TAF15: variants seen among roughly 807,000 people sequenced by gnomAD.
The protein encoded by TAF15 is TATA-box binding protein associated factor 15, also known as TATA-binding protein-associated factor 2N.
TAF15 carries 37 observed loss-of-function variants against 102.5 expected under a neutral mutation model. The ratio of observed to expected loss-of-function variants is 0.36; its 90% confidence interval spans 0.28 to 0.47. The LOEUF is 0.47. Ranked by LOEUF, TAF15 falls within the 20% of genes least tolerant of loss-of-function variation. TAF15 has a pLI of 0.99. For missense variants in TAF15, 652 were observed against 760.7 expected (o/e 0.86, Z 1.68); for synonymous variants, 273 against 259.2 (o/e 1.05, Z -0.51).
chr17:35,829,655 A>AAAAAAAAAAG (rs1555617626), intron 7 of TAF15, among the ~76,000 whole-genome samples: 1 of 135,528 alleles, frequency 7.4e-6, no homozygotes, highest in African/African-American at 3.0e-5. Flanking sequence ...AAAAAAAAAA[A>AAAAAAAAAAG]AGAGAGAGAG....
At chr17:35,842,270 C>T in intron 11 of TAF15, 97 bp from the exon 12 acceptor site, 1 of 874,048 alleles carries the variant, frequency 1.1e-6, no homozygotes, top group Non-Finnish European at 1.9e-6. Flanking sequence ...ATGTCAGTTA[C>T]TCCTCTGAAA....
chr17:35,817,085 AGCCACCAT>A (rs1568245746), intron 1 of TAF15: 1 of 152,254 alleles, frequency 6.6e-6, no homozygotes, highest in Non-Finnish European at 1.5e-5. Flanking sequence ...GGATTGTGTG[AGCCACCAT>A]GCCCGGTCCC....
chr17:35,839,340 T>C (rs1296536592), intron 11 of TAF15, among the ~76,000 whole-genome samples: 3 of 136,960 alleles, frequency 2.2e-5, no homozygotes, highest in African/African-American at 5.3e-5. Flanking sequence ...CCTTCAAATA[T>C]AAAGTTAATA....
intron 7 of TAF15, 62 bp downstream of exon 7, chr17:35,824,260 TG>T: frequency 6.4e-7 from 1 of 1,567,126 alleles, no homozygotes; most frequent in Non-Finnish European, 8.7e-7. Context: ...TTTTTTAAGG[TG>T]TTACTTGGCT....
At chr17:35,840,591 C>T (rs938157675) in intron 11 of TAF15, among the ~76,000 whole-genome samples, 9 of 150,872 alleles carry the variant, frequency 6.0e-5, no homozygotes, top group African/African-American at 1.5e-4. Context: ...GTAGGCCAGG[C>T]GTGGTGGCTC....
At chr17:35,809,616 G>T in intron 1 of TAF15, 40 bp downstream of exon 1, 1 of 1,612,938 alleles carries the variant, frequency 6.2e-7, no homozygotes, top group Non-Finnish European at 8.5e-7. Context: ...GCGACGAGAA[G>T]GTCCTGGCGG....
intron 10 of TAF15, 122 bp from the exon 11 acceptor site, chr17:35,838,302 A>G: frequency 7.7e-7 from 1 of 1,290,986 alleles, no homozygotes; most frequent in Non-Finnish European, 1.1e-6. Flanking sequence ...TATTAGGTGC[A>G]TAGTATTTTA....
chr17:35,832,637 T>C (rs1472784220), intron 7 of TAF15, among the ~76,000 whole-genome samples: 1 of 152,120 alleles, frequency 6.6e-6, no homozygotes, highest in Admixed American at 6.5e-5. Context: ...ATTCTTGGGT[T>C]ATAATAGAAT....
chr17:35,835,658 C>G (rs2087465455), intron 9 of TAF15, among the ~76,000 whole-genome samples: 1 of 152,190 alleles, frequency 6.6e-6, no homozygotes, highest in South Asian at 2.1e-4. Flanking sequence ...CTGGTATATA[C>G]AAAGCTTATT....
rs776846302 is a variant in TAF15, at chr17:35,820,081, T to C, written c.99+6T>C. ...GCTATGGACAAGCATCACAAGTAGG[T>C]TGAAATATAAATTGTATTCTTCATA... On this transcript the variant is annotated splice_donor_region_variant and intron_variant, in intron 3 of 15. Transcript: ENST00000605844. 9 of 1,613,932 alleles carry C rather than the reference T, an allele frequency of 5.6e-6. No individual in the cohort carries two copies. The highest frequency in any genetic ancestry group is 7.6e-6 in the Non-Finnish European group (9 of 1,179,914).
intron 7 of TAF15, among the ~76,000 whole-genome samples, chr17:35,831,892 C>G (rs575476380): frequency 6.6e-6 from 1 of 151,984 alleles, no homozygotes; most frequent in Admixed American, 6.6e-5. Context: ...ACCATCCTGG[C>G]CAACACAGTG....
At chr17:35,833,715 A>G (rs1271827584) in intron 7 of TAF15, 192 bp from the exon 8 acceptor site, 1 of 603,280 alleles carries the variant, frequency 1.7e-6, no homozygotes, top group African/African-American at 1.9e-5. Context: ...CATCTTGTGG[A>G]AATAGATCCT....
chr17:35,814,589 C>G (rs997967112), intron 1 of TAF15, among the ~76,000 whole-genome samples: 1 of 151,666 alleles, frequency 6.6e-6, no homozygotes, highest in South Asian at 2.1e-4. Flanking sequence ...GAAAACAGGC[C>G]CACCTGTAAT....
At chr17:35,827,926 C>CA (rs879529045) in intron 7 of TAF15, among the ~76,000 whole-genome samples, 33 of 149,524 alleles carry the variant, frequency 2.2e-4, no homozygotes, top group Non-Finnish European at 3.6e-4. Flanking sequence ...GCAATTGTAG[C>CA]AAAAAAAAAG....
chr17:35,820,543 A>C (rs998078616), intron 5 of TAF15, 106 bp downstream of exon 5: 3 of 924,174 alleles, frequency 3.2e-6, no homozygotes. Flanking sequence ...TTTTTTTTTT[A>C]AAGGAAATTT....
At chr17:35,842,684 A>T (rs1054688480) in intron 12 of TAF15, among the ~76,000 whole-genome samples, 1 of 151,638 alleles carries the variant, frequency 6.6e-6, no homozygotes, top group Non-Finnish European at 1.5e-5. Flanking sequence ...GGAAAGCTTT[A>T]TTGTGATTTG....
intron 1 of TAF15, chr17:35,810,180 G>GTAATTTAGCTTCGTCTTCACCC (rs1555614565): frequency 6.3e-6 from 1 of 157,816 alleles, no homozygotes; most frequent in Non-Finnish European, 1.4e-5. Flanking sequence ...TGTTTGCATA[G>GTAATTTAGCTTCGTCTTCACCC]TAATTTAGCT....
At chr17:35,827,457 G>A (rs957285678) in intron 7 of TAF15, among the ~76,000 whole-genome samples, 124 of 152,246 alleles carry the variant, frequency 8.1e-4, no homozygotes, top group African/African-American at 2.9e-3. Context: ...TGTAATTCCA[G>A]CACTTTGGAG....
chr17:35,845,666 C>T (rs2087615647), intron 15 of TAF15, among the ~76,000 whole-genome samples: 1 of 152,264 alleles, frequency 6.6e-6, no homozygotes, highest in Non-Finnish European at 1.5e-5. Flanking sequence ...CCCGCCACCA[C>T]GCCCGGCTAA....
Sources: allele counts gnomAD v4.1 joint callset (sites outside exome capture counted in the v4.1 genomes callset), GRCh38; gene constraint gnomAD v4.1.1; transcripts MANE v1.5; gene names NCBI Gene and HGNC (gene_info 2026-07-23, HGNC 2026-07-21).